Variants in SLFN12L observed in about 807,000 individuals in gnomAD.
SLFN12L encodes schlafen family member 12-like.
Under a neutral mutation model 34.8 loss-of-function variants are expected in SLFN12L, and 34 were observed. That is an observed-to-expected ratio of 0.98 (90% CI 0.74 to 1.30). The LOEUF is 1.30. SLFN12L is among the 50% of genes most tolerant of loss of function. SLFN12L has a pLI of 0.00. For missense variants in SLFN12L, 703 were observed against 696.2 expected (o/e 1.01, Z -0.11); for synonymous variants, 259 against 247.5 (o/e 1.05, Z -0.44).
chr17:35,516,226 T>C (rs1487887395), intron 2 of SLFN12L, among the ~76,000 whole-genome samples: 1 of 152,208 alleles, frequency 6.6e-6, no homozygotes, highest in Non-Finnish European at 1.5e-5. Context: ...GCAACTCTAT[T>C]ACTTCAGCAT....
intron 1 of SLFN12L, among the ~76,000 whole-genome samples, chr17:35,535,385 C>T (rs1433415915): frequency 6.7e-6 from 1 of 149,982 alleles, no homozygotes; most frequent in Non-Finnish European, 1.5e-5. Flanking sequence ...TTAGTAGTGA[C>T]GGGGTTTCTC....
In SLFN12L at chr17:35,466,068, C is replaced by T. The variant is rs970154891; in HGVS notation, c.*8855G>A. On this transcript the variant is annotated 3_prime_UTR_variant, in exon 5 of 5. Transcript: ENST00000628453. The stretch of plus-strand genomic sequence containing the variant: ...AGATTTTCCATATACCCACTGCCCG[C>T]ACTCATGCATAGCCTCCCCCATTAG... Among the ~76,000 whole-genome samples, 61 of 152,116 alleles carry T rather than the reference C, an allele frequency of 4.0e-4. No homozygotes were observed. Among genetic ancestry groups the T allele is most frequent in the Non-Finnish European group, 6.6e-4 (45 of 68,036 alleles).
chr17:35,474,793 G>A lies in SLFN12L; in HGVS notation c.*130C>T. ...ACAAAAAAAAAAAAATTAGCCAGGT[G>A]TGGTGGCAGGCACATGTAATCCCAG... On this transcript the variant is annotated 3_prime_UTR_variant, in exon 5 of 5. Coordinates refer to ENST00000628453, the MANE Select transcript of SLFN12L (RefSeq NM_001363830.2). The A allele has an allele frequency of 2.3e-6, 2 of 880,716 alleles. No homozygotes were observed. The highest frequency in any genetic ancestry group is 1.9e-5 in the South Asian group (1 of 53,662). 54.6% of individuals were successfully genotyped at this position (880,716 alleles called of 1,614,324 possible). A position where few individuals can be genotyped will look rare whatever the true frequency, so the allele number is the denominator to read the frequency against.
chr17:35,481,549 C>G (rs373360295), intron 2 of SLFN12L, among the ~76,000 whole-genome samples: 1 of 152,254 alleles, frequency 6.6e-6, no homozygotes, highest in East Asian at 1.9e-4. Context: ...GAAGGGCCCC[C>G]TGTCCAGTGG....
At chr17:35,500,384 G>T (rs1163540971) in intron 2 of SLFN12L, 2 of 152,214 alleles carry the variant, frequency 1.3e-5, no homozygotes, top group South Asian at 2.1e-4. Flanking sequence ...AGGCAGAAAT[G>T]AAATCCACAG....
intron 2 of SLFN12L, chr17:35,498,768 A>ACTGC (rs1423730752): frequency 3.7e-6 from 4 of 1,093,570 alleles, no homozygotes; most frequent in Admixed American, 4.2e-5. Flanking sequence ...TGACAGCTAT[A>ACTGC]CTGCCCTGTG....
rs550767401 is a variant in SLFN12L, at chr17:35,473,078, A to G, written c.*1845T>C. Among the ~76,000 whole-genome samples the G allele has an allele frequency of 4.9e-4, 74 of 152,194 alleles. No homozygotes were observed. Among genetic ancestry groups the G allele is most frequent in the Non-Finnish European group, 9.6e-4 (65 of 68,036 alleles). On this transcript the variant is annotated 3_prime_UTR_variant, in exon 5 of 5. Transcript: ENST00000628453. ...TGAGATGATGGGATTTTCTAGATAT[A>G]AAATCATCTCATCTACAAATAAAGA...
intron 1 of SLFN12L, among the ~76,000 whole-genome samples, chr17:35,530,537 GAAAA>G (rs141306880): frequency 0.29 from 10,431 of 35,566 alleles, 2,231 homozygotes; most frequent in East Asian, 0.33. Context: ...GAAAAGAAAA[GAAAA>G]GAAAGAAAGA....
chr17:35,530,508 G>GAAAGAAAAGAAAAGA lies in SLFN12L; in HGVS notation c.-606+7050_-606+7064dup, dbSNP rs200936112. Among the ~76,000 whole-genome samples, 39 of 32,774 alleles carry GAAAGAAAAGAAAAGA rather than the reference G, an allele frequency of 1.2e-3. 3 individuals are homozygous for GAAAGAAAAGAAAAGA. Among genetic ancestry groups the GAAAGAAAAGAAAAGA allele is most frequent in the Admixed American group, 1.7e-3 (6 of 3,482 alleles). 21.5% of individuals were successfully genotyped at this position (32,774 alleles called of 152,430 possible). A position where few individuals can be genotyped will look rare whatever the true frequency, so the allele number is the denominator to read the frequency against. ...AGAAAGAAAGAAAGAAAGAAAGAAAGAAAGAAAAGAAAAGAAAAGAAAAGA... is the reference window on the plus strand; with the variant it reads ...AGAAAGAAAGAAAGAAAGAAAGAAAGAAAGAAAAGAAAAGAAAAGAAAAGAAAAGAAAAGAAAAGA... On this transcript the variant is annotated intron_variant, in intron 1 of 4. Coordinates refer to ENST00000628453, the MANE Select transcript of SLFN12L (RefSeq NM_001363830.2).
chr17:35,522,554 G>T lies in SLFN12L; in HGVS notation c.-190C>A. On this transcript the variant is annotated 5_prime_UTR_variant, in exon 2 of 5. Coordinates refer to ENST00000628453, the MANE Select transcript of SLFN12L (RefSeq NM_001363830.2). Reference sequence around the variant, plus strand: ...AGACAATCACGAGGGACTGCAGCAGGGCTTCCAATGTGCTGGGTGCCTGCA... The same window carrying T: ...AGACAATCACGAGGGACTGCAGCAGTGCTTCCAATGTGCTGGGTGCCTGCA... The T allele has an allele frequency of 6.2e-7, 1 of 1,610,216 alleles. No individual in the cohort carries two copies. Among genetic ancestry groups the T allele is most frequent in the Non-Finnish European group, 8.5e-7 (1 of 1,178,166 alleles).
Position 35,480,092 on chromosome 17 carries a change from T to C in SLFN12L, c.190A>G (p.Thr64Ala). 6.2e-7 allele frequency: 1 copy of C among 1,614,058 alleles called. No homozygotes were observed. Among genetic ancestry groups the C allele is most frequent in the Non-Finnish European group, 8.5e-7 (1 of 1,179,998 alleles). Residue 64 changes from threonine (T) to alanine (A), a missense_variant, in exon 3 of 5, where the codon ACT becomes GCT. Physicochemically the swap from Thr to Ala is moderately conservative, Grantham distance 58. Transcript: ENST00000628453. ...AELVLNVGRV[T>A]LGENNRKKMK... ...TTTTTTCTATTGTTCTCTCCAAGAG[T>C]GACTCTTCCCACATTTAGAACCAGC...
chr17:35,492,847 A>G (rs1390769552), intron 2 of SLFN12L, among the ~76,000 whole-genome samples: 1 of 152,160 alleles, frequency 6.6e-6, no homozygotes, highest in Admixed American at 6.5e-5. Context: ...CAGATAAAGA[A>G]CAAACCTCAA....
intron 2 of SLFN12L, among the ~76,000 whole-genome samples, chr17:35,497,346 G>GT (rs1199777575): frequency 6.6e-6 from 1 of 151,854 alleles, no homozygotes; most frequent in South Asian, 2.1e-4. Context: ...AGCCGAGATC[G>GT]TATCACTGCA....
intron 1 of SLFN12L, among the ~76,000 whole-genome samples, chr17:35,524,846 C>T (rs57469324): frequency 0.02 from 2,990 of 152,098 alleles, 97 homozygotes; most frequent in African/African-American, 0.068. Flanking sequence ...CAAAACTGGA[C>T]GGAGAATGAG....
intron 2 of SLFN12L, among the ~76,000 whole-genome samples, chr17:35,482,602 T>C (rs1368155983): frequency 2.0e-5 from 3 of 152,214 alleles, no homozygotes; most frequent in Non-Finnish European, 4.4e-5. Context: ...CTCTGCACTC[T>C]TGGGGCCTGA....
chr17:35,487,740 G>A (rs1914649924), intron 2 of SLFN12L: 2 of 1,536,052 alleles, frequency 1.3e-6, no homozygotes, highest in Non-Finnish European at 1.7e-6. Context: ...CGAGGTCCAT[G>A]TCTGCGCACT....
At chr17:35,494,470 G>A (rs904417099) in intron 2 of SLFN12L, among the ~76,000 whole-genome samples, 4 of 152,142 alleles carry the variant, frequency 2.6e-5, no homozygotes, top group African/African-American at 9.7e-5. Context: ...ATTAAAAACT[G>A]TCCCATGAGT....
At chr17:35,533,420 C>T (rs995631017) in intron 1 of SLFN12L, among the ~76,000 whole-genome samples, 17 of 152,190 alleles carry the variant, frequency 1.1e-4, no homozygotes, top group African/African-American at 4.1e-4. Context: ...GGTCCCTGTT[C>T]TTGAGGAGGT....
At chr17:35,491,075 C>T in intron 2 of SLFN12L, 2 of 782,716 alleles carry the variant, frequency 2.6e-6, no homozygotes, top group Non-Finnish European at 4.7e-6. Context: ...TCTAGTATGA[C>T]CATTTGTGAA....
Sources: allele counts gnomAD v4.1 joint callset (sites outside exome capture counted in the v4.1 genomes callset), GRCh38; gene constraint gnomAD v4.1.1; transcripts MANE v1.5; gene names NCBI Gene and HGNC (gene_info 2026-07-23, HGNC 2026-07-21).